BRCA1: variants seen among roughly 807,000 people sequenced by gnomAD.
BRCA1 encodes the protein breast cancer type 1 susceptibility protein.
A neutral mutation model predicts 173.7 loss-of-function variants in BRCA1; 140 were observed. The ratio of observed to expected loss-of-function variants is 0.81; its 90% confidence interval spans 0.70 to 0.93. The LOEUF (loss-of-function observed/expected upper bound fraction) is 0.93, where lower values mean the gene tolerates loss of function less well. Ranked by LOEUF, BRCA1 falls within the 40% of genes least tolerant of loss-of-function variation. The pLI, the probability that BRCA1 is intolerant of heterozygous loss-of-function variation, is 0.00. For synonymous variants in BRCA1, 662 were observed against 756.0 expected (o/e 0.88, Z 2.04); for missense variants, 1,983 against 2,172.5 (o/e 0.91, Z 1.73).
chr17:43,121,683 C>CAAAAAAAAAAAAA (rs71160013), intron 2 of BRCA1, among the ~76,000 whole-genome samples: 6 of 32,896 alleles, frequency 1.8e-4, no homozygotes, highest in Non-Finnish European at 2.0e-4. Context: ...AAGTCTGTCT[C>CAAAAAAAAAAAAA]AAAAAAAAAA....
At chr17:43,112,067 G>C (rs1026822569) in intron 3 of BRCA1, among the ~76,000 whole-genome samples, 1 of 151,626 alleles carries the variant, frequency 6.6e-6, no homozygotes, top group East Asian at 1.9e-4. Context: ...TGAAAAAGTC[G>C]ATCTATCACA....
At chr17:43,101,781 T>C (rs2054487548) in intron 6 of BRCA1, among the ~76,000 whole-genome samples, 1 of 151,350 alleles carries the variant, frequency 6.6e-6, no homozygotes, top group Non-Finnish European at 1.5e-5. Context: ...GGATTACAGG[T>C]GCAAGCTACT....
intron 7 of BRCA1, among the ~76,000 whole-genome samples, chr17:43,099,158 C>T (rs1450465458): frequency 6.6e-6 from 1 of 151,798 alleles, no homozygotes; most frequent in African/African-American, 2.4e-5. Flanking sequence ...TCATCTAGTA[C>T]AATTTATCTT....
intron 1 of BRCA1, among the ~76,000 whole-genome samples, chr17:43,155,241 C>T (rs1250767040): frequency 6.6e-6 from 1 of 152,126 alleles, no homozygotes; most frequent in Admixed American, 6.5e-5. Flanking sequence ...ACAATCTCAG[C>T]TCTCTGTAAC....
intron 2 of BRCA1, among the ~76,000 whole-genome samples, chr17:43,120,937 G>A (rs2055527599): frequency 6.6e-6 from 1 of 152,138 alleles, no homozygotes; most frequent in African/African-American, 2.4e-5. Flanking sequence ...GGTGGCGTGC[G>A]CCTATAATCC....
intron 16 of BRCA1, 27 bp downstream of exon 16, chr17:43,067,581 G>A (rs758630283): frequency 6.4e-7 from 1 of 1,558,654 alleles, no homozygotes; most frequent in Non-Finnish European, 8.8e-7. Flanking sequence ...GCAGATGCAA[G>A]GTATTCTGTA....
In BRCA1 at chr17:43,091,882, A is replaced by AT. The variant is rs80357902; in HGVS notation, c.3648dup (p.Ser1217IlefsTer2). 6.2e-7 allele frequency: 1 copy of AT among 1,614,162 alleles called. No individual in the cohort carries two copies. The highest frequency in any genetic ancestry group is 1.7e-5 in the Admixed American group (1 of 60,016). On this transcript the variant is annotated frameshift_variant, in exon 10 of 23. Coordinates refer to ENST00000357654, the MANE Select transcript of BRCA1 (RefSeq NM_007294.4). LOFTEE classifies it high-confidence loss of function. ...CAGGGAAGCTCTTCATCCTCACTAG[A>AT]TAAGTTCTCTTCTGAGGACTCTAAT...
intron 1 of BRCA1, among the ~76,000 whole-genome samples, chr17:43,131,021 C>T (rs2055960326): frequency 6.6e-6 from 1 of 152,148 alleles, no homozygotes; most frequent in South Asian, 2.1e-4. Context: ...AGCAGTTTTG[C>T]TGATACTCTG....
rs730881496 is a variant in BRCA1 at position 43,063,340 on chromosome 17, A to T, written c.5186T>A (p.Leu1729Gln). ...VTQSIKERKMLNEHDFEVRGD... is the reference protein window; with the variant it reads ...VTQSIKERKMQNEHDFEVRGD... The stretch of plus-strand genomic sequence containing the variant: ...GTAACATCAAGTACTTACCTCATTC[A>T]GCATTTTTCTTTCTTTAATAGACTG... The change falls in exon 18 of 23, where the codon CTG becomes CAG. Residue 1729 changes from leucine (L) to glutamine (Q), a missense_variant. Transcript: ENST00000357654. 3 of 1,610,158 alleles carry T rather than the reference A, an allele frequency of 1.9e-6. 1 individual carries two copies. The highest frequency in any genetic ancestry group is 3.3e-4 in the Middle Eastern group (2 of 6,058).
chr17:43,055,958 G>A (rs1007481553), intron 19 of BRCA1, among the ~76,000 whole-genome samples: 1 of 152,062 alleles, frequency 6.6e-6, no homozygotes, highest in African/African-American at 2.4e-5. Flanking sequence ...AATTAACAAA[G>A]AATTTAGACT....
chr17:43,076,350 G>C, intron 13 of BRCA1, 138 bp downstream of exon 13: 1 of 1,013,888 alleles, frequency 9.9e-7, no homozygotes, highest in South Asian at 1.4e-5. Context: ...AACAAAAGAA[G>C]TATCCTAGAG....
At chr17:43,125,557 GGAT>G, upstream of BRCA1, 1 of 307,560 alleles carries the variant, frequency 3.3e-6, no homozygotes, top group South Asian at 2.8e-5. Context: ...GTCTGCCCCC[GGAT>G]GACGTAAAAG....
rs191638489 is a variant in BRCA1, at chr17:43,156,644, T to G, written c.-20+13482A>C. 4.8e-3 allele frequency among the ~76,000 whole-genome samples: 732 copies of G among 152,282 alleles called. 4 individuals are homozygous for G. Among genetic ancestry groups the G allele is most frequent in the Non-Finnish European group, 8.2e-3 (555 of 68,024 alleles). On this transcript the variant is annotated intron_variant, in intron 1 of 7. Coordinates refer to the BRCA1 transcript ENST00000634433. ...AAACTCTGATTGGTTACTAAATCCC[T>G]ATTTCTGAGATAAGCTACATTTCAA...
chr17:43,128,368 A>T (rs1427925353), upstream of BRCA1, among the ~76,000 whole-genome samples: 1 of 152,222 alleles, frequency 6.6e-6, no homozygotes, highest in Non-Finnish European at 1.5e-5. Flanking sequence ...CCACGAATCC[A>T]CCAGAAGGAG....
intron 1 of BRCA1, among the ~76,000 whole-genome samples, chr17:43,143,542 T>C (rs981907294): frequency 3.4e-4 from 52 of 152,216 alleles, no homozygotes; most frequent in Admixed American, 1.0e-3. Flanking sequence ...AGCGTTCATT[T>C]GTGTTCAGTT....
chr17:43,169,872 G>A, intron 1 of BRCA1: 2 of 361,550 alleles, frequency 5.5e-6, no homozygotes, highest in South Asian at 2.2e-5. Flanking sequence ...GCGCAGTCAC[G>A]TTTTTTTCCC....
Position 43,143,992 on chromosome 17 carries a change from G to A in BRCA1, c.-19-19877C>T, listed in dbSNP as rs192930875. 3.9e-3 allele frequency among the ~76,000 whole-genome samples: 595 copies of A among 152,152 alleles called. 4 individuals carry two copies. The highest frequency in any genetic ancestry group is 6.9e-3 in the Non-Finnish European group (466 of 67,986). On this transcript the variant is annotated intron_variant, in intron 1 of 7. Coordinates refer to the BRCA1 transcript ENST00000634433. ...TCCCAGCACTTTGGGAGGCTGAGGC[G>A]GGCAGATCACAAGGTCAGGAGATCG...
chr17:43,144,975 G>C, intron 1 of BRCA1: 1 of 630,378 alleles, frequency 1.6e-6, no homozygotes, highest in Non-Finnish European at 3.1e-6. Flanking sequence ...AAAAAGGTCA[G>C]CTCCACCGAA....
At position 43,093,334 on chromosome 17, in the gene BRCA1, CTTCTTT is replaced by C. The variant is rs1394201588; in HGVS notation, c.2191_2196del (p.Lys731_Glu732del). The C allele has an allele frequency of 6.2e-7, 1 of 1,613,464 alleles. No homozygotes were observed. The highest frequency in any genetic ancestry group is 8.5e-7 in the Non-Finnish European group (1 of 1,179,842). ...GACACTTTAACTGTTTCTAGTTTCTCTTCTTTTTCTTCTCTTGGAAGGCTAGGATTG... is the reference window on the plus strand; with the variant it reads ...GACACTTTAACTGTTTCTAGTTTCTCTTCTTCTCTTGGAAGGCTAGGATTG... On this transcript the variant is annotated inframe_deletion, in exon 10 of 23. Coordinates refer to ENST00000357654, the MANE Select transcript of BRCA1 (RefSeq NM_007294.4).
Sources: allele counts gnomAD v4.1 joint callset (sites outside exome capture counted in the v4.1 genomes callset), GRCh38; gene constraint gnomAD v4.1.1; transcripts MANE v1.5; gene names NCBI Gene and HGNC (gene_info 2026-07-23, HGNC 2026-07-21).